SEMA4D: variants seen among roughly 807,000 people sequenced by gnomAD.
The protein encoded by SEMA4D is semaphorin-4D.
Under a neutral mutation model 74.8 loss-of-function variants are expected in SEMA4D, and 22 were observed. The observed-to-expected ratio is 0.29, with a 90% confidence interval of 0.21 to 0.42. The LOEUF is 0.42. SEMA4D is among the 10% of genes least tolerant of loss of function. The probability of loss-of-function intolerance (pLI) is 1.00; values close to 1 mark genes in which losing one functional copy is unlikely to be tolerated. For synonymous variants in SEMA4D, 445 were observed against 463.7 expected (o/e 0.96, Z 0.52); for missense variants, 937 against 1,118.4 (o/e 0.84, Z 2.31).
At chr9:89,385,064 G>A (rs1010843071) in intron 13 of SEMA4D, 144 of 984,152 alleles carry the variant, frequency 1.5e-4, no homozygotes, top group South Asian at 7.5e-4. Flanking sequence ...CCTCCTCCTG[G>A]GCGCGAGGCT....
At chr9:89,376,267 G>A (rs1480781157), downstream of SEMA4D, 2 of 152,266 alleles carry the variant, frequency 1.3e-5, no homozygotes, top group African/African-American at 4.8e-5. Flanking sequence ...TCTGGAGGCT[G>A]AGGCAGGAGG....
chr9:89,380,363 T>G (rs917711705), intron 15 of SEMA4D, among the ~76,000 whole-genome samples: 5 of 150,808 alleles, frequency 3.3e-5, no homozygotes, highest in African/African-American at 1.2e-4. Flanking sequence ...AGTCTGGGTC[T>G]CACTTTGTCA....
chr9:89,388,089 G>A (rs551316727), intron 11 of SEMA4D, among the ~76,000 whole-genome samples: 54 of 152,328 alleles, frequency 3.5e-4, no homozygotes, highest in African/African-American at 1.3e-3. Flanking sequence ...CATAGAAGGA[G>A]CCATGATGGT....
chr9:89,388,212 C>T (rs577904623), intron 11 of SEMA4D, among the ~76,000 whole-genome samples: 1 of 152,174 alleles, frequency 6.6e-6, no homozygotes, highest in Non-Finnish European at 1.5e-5. Context: ...CTGTCACACC[C>T]ATTTCCCCAT....
At chr9:89,373,827 A>C (rs75627720), downstream of SEMA4D, among the ~76,000 whole-genome samples, 2,301 of 152,206 alleles carry the variant, frequency 0.015, 30 homozygotes, top group Middle Eastern at 0.031. Context: ...TTCCTGGCCC[A>C]CAAGGCAGAA....
intron 18 of SEMA4D, among the ~76,000 whole-genome samples, chr9:89,363,267 T>TC (rs67247190): frequency 0.16 from 24,879 of 151,620 alleles, 2,634 homozygotes; most frequent in East Asian, 0.39. Context: ...ACGTGGGATT[T>TC]CCCCCCCCAG....
chr9:89,435,966 T>C (rs4585842), intron 2 of SEMA4D, among the ~76,000 whole-genome samples: 148,663 of 152,346 alleles, frequency 0.98, 72,647 homozygotes, highest in Non-Finnish European at 1. Context: ...AGGGATAGCC[T>C]AGGCCAAGGA....
At chr9:89,479,049 T>G (rs554761737) in intron 1 of SEMA4D, among the ~76,000 whole-genome samples, 3 of 152,026 alleles carry the variant, frequency 2.0e-5, no homozygotes, top group Non-Finnish European at 4.4e-5. Flanking sequence ...GGGCCCTGAG[T>G]GGAGGGGACT....
chr9:89,489,726 A>G (rs1225963003), intron 1 of SEMA4D, among the ~76,000 whole-genome samples: 1 of 152,226 alleles, frequency 6.6e-6, no homozygotes, highest in African/African-American at 2.4e-5. Flanking sequence ...GTATGAATAT[A>G]CCACATTTAG....
chr9:89,405,879 C>T (rs538796167), intron 2 of SEMA4D, 180 bp from the exon 3 acceptor site: 25 of 1,228,740 alleles, frequency 2.0e-5, no homozygotes, highest in African/African-American at 1.6e-4. Context: ...CACAGGAAAG[C>T]GAAGCCAGGG....
At chr9:89,384,793 G>A in intron 13 of SEMA4D, 2 of 985,412 alleles carry the variant, frequency 2.0e-6, no homozygotes, top group Non-Finnish European at 2.4e-6. Flanking sequence ...CACCGTGAGA[G>A]AGCCTGATGG....
chr9:89,402,733 A>G, intron 4 of SEMA4D, 138 bp downstream of exon 4: 1 of 849,322 alleles, frequency 1.2e-6, no homozygotes, highest in Non-Finnish European at 1.8e-6. Flanking sequence ...GCTGGTGGAC[A>G]CCCAAAGATG....
At chr9:89,449,123 C>G (rs1451971544) in intron 2 of SEMA4D, among the ~76,000 whole-genome samples, 1 of 152,200 alleles carries the variant, frequency 6.6e-6, no homozygotes, top group African/African-American at 2.4e-5. Flanking sequence ...GGTATGCTCA[C>G]TGAAAGCACA....
At chr9:89,477,335 C>T (rs754245810) in intron 1 of SEMA4D, among the ~76,000 whole-genome samples, 6 of 152,132 alleles carry the variant, frequency 3.9e-5, no homozygotes, top group African/African-American at 9.7e-5. Flanking sequence ...CAAACACACA[C>T]GGCCTACTAA....
At chr9:89,377,029 A>C, downstream of SEMA4D, 1 of 1,541,256 alleles carries the variant, frequency 6.5e-7, no homozygotes, top group Non-Finnish European at 8.8e-7. Context: ...AGCCAGGAGG[A>C]GGGAGGGGCT....
chr9:89,397,984 G>A (rs182338467), intron 5 of SEMA4D, among the ~76,000 whole-genome samples: 5 of 152,232 alleles, frequency 3.3e-5, no homozygotes, highest in South Asian at 2.1e-4. Context: ...CCAAAGGGAC[G>A]GACGTGTGCC....
intron 11 of SEMA4D, among the ~76,000 whole-genome samples, chr9:89,388,306 A>G (rs573745398): frequency 6.6e-6 from 1 of 152,380 alleles, no homozygotes; most frequent in East Asian, 1.9e-4. Flanking sequence ...ACTCCTGTTG[A>G]CTAGTGGACA....
chr9:89,407,832 A>G (rs1843643257), intron 2 of SEMA4D, among the ~76,000 whole-genome samples: 1 of 152,224 alleles, frequency 6.6e-6, no homozygotes, highest in Non-Finnish European at 1.5e-5. Context: ...CTGCCTGTCA[A>G]CACCACTTAG....
intron 9 of SEMA4D, among the ~76,000 whole-genome samples, chr9:89,390,192 G>A (rs958859686): frequency 6.6e-6 from 1 of 152,222 alleles, no homozygotes; most frequent in Admixed American, 6.5e-5. Context: ...GAGGGCTCGA[G>A]TCCCCTGGCC....
Sources: allele counts gnomAD v4.1 joint callset (sites outside exome capture counted in the v4.1 genomes callset), GRCh38; gene constraint gnomAD v4.1.1; transcripts MANE v1.5; gene names NCBI Gene and HGNC (gene_info 2026-07-23, HGNC 2026-07-21).